The following RRAS2 variants were observed in gnomAD, a reference collection of about 807,000 sequenced individuals.
RRAS2 encodes ras-related protein R-Ras2.
In RRAS2, 7 loss-of-function variants were observed where a neutral mutation model predicts 27.6. The observed-to-expected ratio is 0.25, with a 90% confidence interval of 0.14 to 0.48. RRAS2 has a LOEUF of 0.48. RRAS2 is among the 20% of genes least tolerant of loss of function. RRAS2 has a pLI of 0.99. For synonymous variants in RRAS2, 86 were observed against 90.9 expected (o/e 0.95, Z 0.31); for missense variants, 178 against 256.2 (o/e 0.69, Z 2.08).
Position 14,309,096 on chromosome 11 carries a change from C to T in RRAS2, c.109-13241G>A, listed in dbSNP as rs181948273. Among the ~76,000 whole-genome samples, 33 of 136,982 alleles carry T rather than the reference C, an allele frequency of 2.4e-4. No individual in the cohort carries two copies. In the East Asian group the frequency reaches 8.1e-3, roughly 34 times the overall value. The allele number at this position is 136,982 out of a possible 152,430, so 89.9% of individuals were successfully genotyped here. A position where few individuals can be genotyped will look rare whatever the true frequency, so the allele number is the denominator to read the frequency against. On this transcript the variant is annotated intron_variant, in intron 1 of 5. Coordinates refer to ENST00000256196, the MANE Select transcript of RRAS2 (RefSeq NM_012250.6). ...GCCCCATAAACAGGTAGGTAACCAA[C>T]TCACTTCTAGTTGTAACTTTTGCTT...
At chr11:14,336,657 GC>G (rs1162415691) in intron 1 of RRAS2, among the ~76,000 whole-genome samples, 1 of 152,114 alleles carries the variant, frequency 6.6e-6, no homozygotes, top group Non-Finnish European at 1.5e-5. Flanking sequence ...AAACTAGAAT[GC>G]ACAACAGTAG....
At chr11:14,285,849 C>G (rs12284360) in intron 4 of RRAS2, among the ~76,000 whole-genome samples, 2 of 152,144 alleles carry the variant, frequency 1.3e-5, no homozygotes, top group African/African-American at 4.8e-5. Context: ...CTTTTCCCCC[C>G]GTCTGGCTAT....
At chr11:14,291,258 G>A (rs1849808240) in intron 4 of RRAS2, among the ~76,000 whole-genome samples, 1 of 152,168 alleles carries the variant, frequency 6.6e-6, no homozygotes, top group Admixed American at 6.5e-5. Context: ...AAACAAATGG[G>A]AAATAGGTGG....
chr11:14,289,617 A>AT (rs1312897165), intron 4 of RRAS2, among the ~76,000 whole-genome samples: 2 of 152,216 alleles, frequency 1.3e-5, no homozygotes, highest in Non-Finnish European at 2.9e-5. Context: ...AATTCTACAG[A>AT]TATCTTTTTA....
At chr11:14,293,892 A>C (rs1296795106) in intron 4 of RRAS2, among the ~76,000 whole-genome samples, 2 of 152,224 alleles carry the variant, frequency 1.3e-5, no homozygotes, top group African/African-American at 4.8e-5. Context: ...ATAAAATTTC[A>C]GTAAGTGGGT....
At chr11:14,303,563 C>T (rs927905048) in intron 1 of RRAS2, among the ~76,000 whole-genome samples, 1 of 152,138 alleles carries the variant, frequency 6.6e-6, no homozygotes, top group Non-Finnish European at 1.5e-5. Flanking sequence ...AGAGAGAGAC[C>T]CCCATCTCCA....
chr11:14,321,764 C>T (rs1465529307), intron 1 of RRAS2, among the ~76,000 whole-genome samples: 1 of 152,140 alleles, frequency 6.6e-6, no homozygotes, highest in Non-Finnish European at 1.5e-5. Flanking sequence ...CATTTAAGCT[C>T]ACCCTTGTTT....
chr11:14,290,277 A>C (rs1285484322), intron 4 of RRAS2, among the ~76,000 whole-genome samples: 1 of 152,116 alleles, frequency 6.6e-6, no homozygotes, highest in Non-Finnish European at 1.5e-5. Flanking sequence ...GTGAAACCCT[A>C]TCTCTACTAA....
chr11:14,280,345 C>CT (rs1394730837), intron 5 of RRAS2, among the ~76,000 whole-genome samples: 4 of 151,822 alleles, frequency 2.6e-5, no homozygotes, highest in African/African-American at 9.7e-5. Context: ...ATAACCTTCA[C>CT]TTTTTTTTCC....
At chr11:14,330,370 G>A (rs1463464272) in intron 1 of RRAS2, among the ~76,000 whole-genome samples, 1 of 152,064 alleles carries the variant, frequency 6.6e-6, no homozygotes, top group African/African-American at 2.4e-5. Context: ...AAATTAGCCG[G>A]GCATGGTGGC....
chr11:14,306,771 G>C lies in RRAS2; in HGVS notation c.109-10916C>G, dbSNP rs372158713. Among the ~76,000 whole-genome samples the C allele has an allele frequency of 4.6e-5, 7 of 151,742 alleles. No individual in the cohort carries two copies. The East Asian group carries it at 9.6e-4, about 21-fold the overall frequency. On this transcript the variant is annotated intron_variant, in intron 1 of 5. Transcript: ENST00000256196. ...TACCCTGAGCTTTTCCTATCACACTGAGCTTCAGCCTATACCATGCCCTAG... is the reference window on the plus strand; with the variant it reads ...TACCCTGAGCTTTTCCTATCACACTCAGCTTCAGCCTATACCATGCCCTAG...
At chr11:14,312,398 T>G (rs1056802916) in intron 1 of RRAS2, among the ~76,000 whole-genome samples, 1 of 152,238 alleles carries the variant, frequency 6.6e-6, no homozygotes, top group Non-Finnish European at 1.5e-5. Flanking sequence ...AAAACCAGCA[T>G]AATTCAGGCA....
At chr11:14,343,247 A>C (rs1172859883) in intron 1 of RRAS2, among the ~76,000 whole-genome samples, 1 of 152,254 alleles carries the variant, frequency 6.6e-6, no homozygotes, top group Non-Finnish European at 1.5e-5. Context: ...AGGAGACAAA[A>C]TAAACAATTG....
chr11:14,350,753 T>C (rs1473385612), intron 1 of RRAS2, among the ~76,000 whole-genome samples: 1 of 152,032 alleles, frequency 6.6e-6, no homozygotes, highest in African/African-American at 2.4e-5. Flanking sequence ...TATGAATTTG[T>C]CTTGGGCCAC....
At chr11:14,341,304 T>C (rs1554953237) in intron 1 of RRAS2, among the ~76,000 whole-genome samples, 1 of 152,208 alleles carries the variant, frequency 6.6e-6, no homozygotes, top group African/African-American at 2.4e-5. Context: ...ATGTGGGCAT[T>C]TGTTTTGTAT....
chr11:14,285,593 C>T (rs1849639447), intron 4 of RRAS2, among the ~76,000 whole-genome samples: 1 of 152,336 alleles, frequency 6.6e-6, no homozygotes, highest in East Asian at 1.9e-4. Flanking sequence ...CTAAGGACAT[C>T]TTTTCACATT....
At chr11:14,301,609 G>C (rs1847707451) in intron 1 of RRAS2, among the ~76,000 whole-genome samples, 1 of 152,128 alleles carries the variant, frequency 6.6e-6, no homozygotes, top group Non-Finnish European at 1.5e-5. Context: ...AAATAACTTT[G>C]CTAATCTGCC....
chr11:14,343,706 C>T (rs1259462661), intron 1 of RRAS2, among the ~76,000 whole-genome samples: 5 of 150,288 alleles, frequency 3.3e-5, no homozygotes, highest in South Asian at 2.1e-4. Flanking sequence ...TGATGGTGCA[C>T]GCCTGTAGTC....
chr11:14,293,163 C>A (rs868970866), intron 4 of RRAS2, among the ~76,000 whole-genome samples: 1,724 of 61,464 alleles, frequency 0.028, 84 homozygotes, highest in African/African-American at 0.1. Flanking sequence ...ATATATATAT[C>A]ATTTTCTCTT....
Sources: gnomAD v4.1 joint callset for allele counts (sites outside exome capture counted in the v4.1 genomes callset) on GRCh38, gnomAD v4.1.1 for gene constraint, MANE v1.5 for transcripts, NCBI Gene and HGNC (gene_info 2026-07-23, HGNC 2026-07-21) for gene names.